The following PALM2AKAP2 variants were observed in gnomAD, a reference collection of about 807,000 sequenced individuals.
PALM2AKAP2 encodes PALM2 and AKAP2 fusion.
PALM2AKAP2 carries 37 observed loss-of-function variants against 71.5 expected under a neutral mutation model. The ratio of observed to expected loss-of-function variants is 0.52; its 90% CI spans 0.40 to 0.68. PALM2AKAP2 has a LOEUF of 0.68. Among genes scored for constraint, PALM2AKAP2 ranks in the 30% least tolerant of loss-of-function variants. PALM2AKAP2 has a pLI of 0.00. For synonymous variants in PALM2AKAP2, 468 were observed against 478.8 expected, an observed-to-expected ratio of 0.98 and a Z score of 0.29; for missense variants, 1,224 against 1,191.8, an observed-to-expected ratio of 1.03 and a Z score of -0.40.
chr9:109,705,614 G>T (rs962584165), intron 1 of PALM2AKAP2, among the ~76,000 whole-genome samples: 2 of 152,158 alleles, frequency 1.3e-5, no homozygotes, highest in Non-Finnish European at 2.9e-5. Flanking sequence ...ATGACAGTTG[G>T]ATCCAGGCAC....
chr9:109,876,088 C>CT (rs1378942741), intron 2 of PALM2AKAP2, among the ~76,000 whole-genome samples: 5 of 152,008 alleles, frequency 3.3e-5, no homozygotes, highest in Non-Finnish European at 5.9e-5. Context: ...AGCTATGATA[C>CT]TTTTTTTTGA....
At chr9:110,023,305 C>CTTTT (rs149672913) in intron 7 of PALM2AKAP2, among the ~76,000 whole-genome samples, 1 of 74,038 alleles carries the variant, frequency 1.4e-5, no homozygotes, top group Admixed American at 1.9e-4. Context: ...ATTGTGGTTT[C>CTTTT]TTTTTTTTTT....
chr9:109,654,523 C>T (rs1827268072), intron 1 of PALM2AKAP2, among the ~76,000 whole-genome samples: 1 of 152,158 alleles, frequency 6.6e-6, no homozygotes, highest in Non-Finnish European at 1.5e-5. Flanking sequence ...GCTCTTCAAA[C>T]CTAATTACAT....
intron 1 of PALM2AKAP2, among the ~76,000 whole-genome samples, chr9:109,791,622 G>A (rs1004033770): frequency 2.0e-5 from 3 of 152,344 alleles, no homozygotes; most frequent in Middle Eastern, 3.4e-3. Flanking sequence ...GGGTCCATGT[G>A]CCAGCCACCC....
intron 1 of PALM2AKAP2, among the ~76,000 whole-genome samples, chr9:109,705,711 G>A (rs1828133070): frequency 6.6e-6 from 1 of 152,192 alleles, no homozygotes; most frequent in African/African-American, 2.4e-5. Context: ...TAGTGGTTAA[G>A]TGCACAGATA....
At chr9:110,022,967 C>G (rs993802532) in intron 7 of PALM2AKAP2, among the ~76,000 whole-genome samples, 5 of 152,194 alleles carry the variant, frequency 3.3e-5, no homozygotes, top group African/African-American at 1.2e-4. Context: ...TTTTCTTAAT[C>G]CAGCCTATCG....
At chr9:109,847,877 C>A (rs954681375) in intron 1 of PALM2AKAP2, among the ~76,000 whole-genome samples, 1 of 152,184 alleles carries the variant, frequency 6.6e-6, no homozygotes, top group Admixed American at 6.5e-5. Flanking sequence ...ATTTTTGACT[C>A]TTGTGGATAA....
chr9:109,961,215 G>A (rs1564234883), intron 6 of PALM2AKAP2, among the ~76,000 whole-genome samples: 2 of 152,206 alleles, frequency 1.3e-5, no homozygotes, highest in Admixed American at 6.5e-5. Context: ...TATAATCATA[G>A]CATTGCACAT....
intron 1 of PALM2AKAP2, among the ~76,000 whole-genome samples, chr9:110,067,886 C>T (rs1269816091): frequency 6.6e-6 from 1 of 152,056 alleles, no homozygotes; most frequent in African/African-American, 2.4e-5. Context: ...TTATATTTGT[C>T]ATTAAAAACA....
At chr9:110,035,333 A>G (rs1007215086) in intron 7 of PALM2AKAP2, among the ~76,000 whole-genome samples, 13 of 144,918 alleles carry the variant, frequency 9.0e-5, no homozygotes, top group Non-Finnish European at 1.6e-4. Flanking sequence ...TTATATGTAT[A>G]ATACATATTA....
At chr9:109,783,791 GGTTTCA>G (rs1826887256) in intron 1 of PALM2AKAP2, among the ~76,000 whole-genome samples, 1 of 152,164 alleles carries the variant, frequency 6.6e-6, no homozygotes, top group Non-Finnish European at 1.5e-5. Context: ...GGTGTCCCCA[GGTTTCA>G]GCTGCCTGAG....
chr9:109,683,407 G>A (rs542703493), intron 1 of PALM2AKAP2, among the ~76,000 whole-genome samples: 7 of 152,254 alleles, frequency 4.6e-5, no homozygotes, highest in African/African-American at 1.4e-4. Context: ...GGAAATGGAG[G>A]CAGAGATTGG....
chr9:109,907,883 C>T (rs1387925293), intron 3 of PALM2AKAP2, among the ~76,000 whole-genome samples: 1 of 152,202 alleles, frequency 6.6e-6, no homozygotes, highest in African/African-American at 2.4e-5. Flanking sequence ...TGCCATAGCA[C>T]CCCATGCCGA....
chr9:110,101,202 G>A (rs1834990983), intron 1 of PALM2AKAP2, among the ~76,000 whole-genome samples: 2 of 152,096 alleles, frequency 1.3e-5, no homozygotes, highest in South Asian at 2.1e-4. Flanking sequence ...TTTCTCTCCT[G>A]TTAGGGATCA....
At position 109,691,955 on chromosome 9, in the gene PALM2AKAP2, T is replaced by TAC. The variant is rs1352354699; in HGVS notation, c.5+51091_5+51092dup. ...ATATATATATACACATATATATATA[T>TAC]ACATATATATCTCCATCTCAGTATT... On this transcript the variant is annotated intron_variant, in intron 1 of 6. Transcript: ENST00000374531. Among the ~76,000 whole-genome samples the TAC allele has an allele frequency of 1.4e-4, 20 of 140,406 alleles. No homozygotes were observed. In the South Asian group the frequency reaches 2.2e-3, roughly 16 times the overall value. The allele number at this position is 140,406 out of a possible 152,430, so 92.1% of individuals were successfully genotyped here. A position where few individuals can be genotyped will look rare whatever the true frequency, so the allele number is the denominator to read the frequency against.
At chr9:110,109,084 G>A (rs891011319) in intron 1 of PALM2AKAP2, among the ~76,000 whole-genome samples, 1 of 152,038 alleles carries the variant, frequency 6.6e-6, no homozygotes, top group African/African-American at 2.4e-5. Context: ...TTGGGAGGCC[G>A]AGGCAGGTGG....
chr9:109,841,262 A>G (rs1410986053), intron 1 of PALM2AKAP2, among the ~76,000 whole-genome samples: 1 of 150,650 alleles, frequency 6.6e-6, no homozygotes, highest in African/African-American at 2.4e-5. Context: ...AAACTATCGC[A>G]GGGACAAAAA....
intron 1 of PALM2AKAP2, among the ~76,000 whole-genome samples, chr9:109,829,517 A>G (rs1828241764): frequency 6.6e-6 from 1 of 152,112 alleles, no homozygotes; most frequent in Non-Finnish European, 1.5e-5. Context: ...GCTCATTATG[A>G]ATAGAGGATA....
chr9:110,073,945 G>A (rs534660433), intron 1 of PALM2AKAP2, among the ~76,000 whole-genome samples: 1 of 152,166 alleles, frequency 6.6e-6, no homozygotes, highest in Admixed American at 6.5e-5. Context: ...GAATTGCAAA[G>A]GGAATATAGT....
Sources: gnomAD v4.1 joint callset for allele counts (sites outside exome capture counted in the v4.1 genomes callset) on GRCh38, gnomAD v4.1.1 for gene constraint, MANE v1.5 for transcripts, NCBI Gene and HGNC (gene_info 2026-07-23, HGNC 2026-07-21) for gene names.